Variants in BRCA2 observed in about 807,000 individuals in gnomAD.
BRCA2 encodes the protein breast cancer type 2 susceptibility protein.
A neutral mutation model predicts 276.7 loss-of-function variants in BRCA2; 203 were observed. The ratio of observed to expected loss-of-function variants is 0.73; its 90% CI spans 0.65 to 0.82. BRCA2 has a LOEUF of 0.82. Ranked by LOEUF, BRCA2 falls within the 40% of genes least tolerant of loss-of-function variation. The pLI, the probability that BRCA2 is intolerant of heterozygous loss-of-function variation, is 0.00. For missense variants in BRCA2, 3,920 were observed against 3,915.0 expected (o/e 1.00, Z -0.03); for synonymous variants, 1,289 against 1,338.4 (o/e 0.96, Z 0.81).
intron 10 of BRCA2, among the ~76,000 whole-genome samples, chr13:32,335,694 C>T (rs904717940): frequency 1.3e-5 from 2 of 151,258 alleles, no homozygotes; most frequent in Non-Finnish European, 2.9e-5. Context: ...TAGCTACTTC[C>T]TTGACCTAGA....
At chr13:32,369,606 C>G (rs2072813436) in intron 18 of BRCA2, among the ~76,000 whole-genome samples, 1 of 152,190 alleles carries the variant, frequency 6.6e-6, no homozygotes, top group Non-Finnish European at 1.5e-5. Context: ...CGGAGGCACG[C>G]TCTGTCCCCC....
intron 25 of BRCA2, among the ~76,000 whole-genome samples, chr13:32,395,672 C>A (rs1460315650): frequency 6.6e-6 from 1 of 152,144 alleles, no homozygotes; most frequent in African/African-American, 2.4e-5. Flanking sequence ...TTTGAGATTT[C>A]ATGAGTTGGT....
chr13:32,320,223 G>A lies in BRCA2; in HGVS notation c.316+898G>A, dbSNP rs141789699. On this transcript the variant is annotated intron_variant, in intron 3 of 26. Transcript: ENST00000380152. ...AAGCTAAAGAAATTGAATTTGTTTG[G>A]TTGGTTGGTGAGCAGAGAAATCACA... Among the ~76,000 whole-genome samples the A allele has an allele frequency of 1.2e-3, 182 of 152,330 alleles. 1 individual carries two copies. In the Middle Eastern group the frequency reaches 0.034, roughly 28 times the overall value.
intron 13 of BRCA2, among the ~76,000 whole-genome samples, chr13:32,351,923 T>A (rs768911576): frequency 1.1e-4 from 17 of 152,106 alleles, no homozygotes; most frequent in Non-Finnish European, 2.2e-4. Flanking sequence ...TGCTTCAGCC[T>A]CCCAAGTAGC....
intron 11 of BRCA2, among the ~76,000 whole-genome samples, chr13:32,342,286 AAAG>A (rs2072577420): frequency 6.6e-6 from 1 of 150,640 alleles, no homozygotes; most frequent in Non-Finnish European, 1.5e-5. Context: ...AAAAAAAAAA[AAAG>A]TGTATTTAAA....
chr13:32,375,752 G>T (rs1442136831), intron 20 of BRCA2, among the ~76,000 whole-genome samples: 1 of 151,990 alleles, frequency 6.6e-6, no homozygotes, highest in Non-Finnish European at 1.5e-5. Flanking sequence ...TAGAGACGGG[G>T]TTTCACCATG....
intron 21 of BRCA2, among the ~76,000 whole-genome samples, chr13:32,377,013 A>G (rs1386378778): frequency 6.6e-6 from 1 of 152,170 alleles, no homozygotes; most frequent in East Asian, 1.9e-4. Context: ...AATTTTATAT[A>G]TTAATTAAAT....
At chr13:32,361,704 G>A (rs188459290) in intron 16 of BRCA2, among the ~76,000 whole-genome samples, 1 of 152,172 alleles carries the variant, frequency 6.6e-6, no homozygotes, top group Non-Finnish European at 1.5e-5. Context: ...ATGCTTGGAA[G>A]AGGGCAAAGT....
chr13:32,356,282 C>G (rs193093374), intron 14 of BRCA2, 146 bp from the exon 15 acceptor site: 2 of 717,082 alleles, frequency 2.8e-6, no homozygotes, highest in Admixed American at 4.8e-5. Flanking sequence ...TTTGGTCAGG[C>G]TGGTCTTGAA....
chr13:32,362,382 A>T, intron 16 of BRCA2, 141 bp from the exon 17 acceptor site: 1 of 802,128 alleles, frequency 1.2e-6, no homozygotes, highest in Non-Finnish European at 2.0e-6. Flanking sequence ...ATTTTCTGAA[A>T]TTATATTGTA....
At chr13:32,324,980 G>A (rs11571609) in intron 3 of BRCA2, 96 bp from the exon 4 acceptor site, 3 of 835,086 alleles carry the variant, frequency 3.6e-6, no homozygotes, top group East Asian at 5.4e-5. Flanking sequence ...CTCATTCCCA[G>A]TATAGAGGAG....
chr13:32,387,447 C>T lies in BRCA2; in HGVS notation c.9257-7242C>T, dbSNP rs11571792. Among the ~76,000 whole-genome samples, 298 of 152,218 alleles carry T rather than the reference C, an allele frequency of 2.0e-3. No individual in the cohort carries two copies. The highest frequency in any genetic ancestry group is 6.9e-3 in the African/African-American group (287 of 41,540). ...CCTTCTGTCACGCCCGCATAAGGGCCACTTGAGGGCTCCTTGGTCAAGCGG... is the reference window on the plus strand; with the variant it reads ...CCTTCTGTCACGCCCGCATAAGGGCTACTTGAGGGCTCCTTGGTCAAGCGG... On this transcript the variant is annotated intron_variant, in intron 24 of 26. Coordinates refer to ENST00000380152, the MANE Select transcript of BRCA2 (RefSeq NM_000059.4).
At chr13:32,365,659 T>A (rs549977481) in intron 18 of BRCA2, among the ~76,000 whole-genome samples, 1 of 151,260 alleles carries the variant, frequency 6.6e-6, no homozygotes, top group Non-Finnish European at 1.5e-5. Flanking sequence ...ATTACGGGCA[T>A]GAGCCACCAC....
rs541104746 is a variant in BRCA2, at chr13:32,396,729, C to T, written c.9502-169C>T. The stretch of plus-strand genomic sequence containing the variant: ...GCTAGATTCCCCTAAATCACTGATA[C>T]TGGTTTTGTAATTTTGCATCGGCAT... On this transcript the variant is annotated intron_variant, in intron 25 of 26. Coordinates refer to ENST00000380152, the MANE Select transcript of BRCA2 (RefSeq NM_000059.4). The T allele has an allele frequency of 2.2e-5, 17 of 757,718 alleles. No homozygotes were observed. The African/African-American group carries it at 3.0e-4, about 13-fold the overall frequency. 46.9% of individuals were successfully genotyped at this position (757,718 alleles called of 1,614,324 possible). A position where few individuals can be genotyped will look rare whatever the true frequency, so the allele number is the denominator to read the frequency against.
rs876659892 is a variant in BRCA2 at position 32,337,016 on chromosome 13, G to A, written c.2661G>A (p.Glu887=). 1.3e-6 allele frequency: 2 copies of A among 1,591,640 alleles called. No homozygotes were observed. Among genetic ancestry groups the A allele is most frequent in the East Asian group, 4.5e-5 (2 of 44,698 alleles). ...PDSEELFSDN[E]NNFVFQVANE... ...CTGAAGAACTTTTCTCAGACAATGAGAATAATTTTGTCTTCCAAGTAGCTA... is the reference window on the plus strand; with the variant it reads ...CTGAAGAACTTTTCTCAGACAATGAAAATAATTTTGTCTTCCAAGTAGCTA... The change falls in exon 11 of 27, where the codon GAG becomes GAA. Residue 887 remains glutamate, a synonymous_variant. Coordinates refer to ENST00000380152, the MANE Select transcript of BRCA2 (RefSeq NM_000059.4).
chr13:32,379,032 C>G (rs1220125867), intron 21 of BRCA2, among the ~76,000 whole-genome samples: 1 of 152,064 alleles, frequency 6.6e-6, no homozygotes, highest in Non-Finnish European at 1.5e-5. Context: ...ATCTATTTCT[C>G]AAAATAATGA....
intron 13 of BRCA2, among the ~76,000 whole-genome samples, chr13:32,351,249 C>T (rs1320143516): frequency 6.6e-6 from 1 of 152,170 alleles, no homozygotes; most frequent in African/African-American, 2.4e-5. Context: ...CGGCTTCACT[C>T]CTGAAGTCAG....
intron 18 of BRCA2, 128 bp downstream of exon 18, chr13:32,363,661 A>G (rs1229723471): frequency 1.1e-6 from 1 of 912,494 alleles, no homozygotes; most frequent in East Asian, 2.6e-5. Context: ...ATTTTAGTAT[A>G]AAAAGCATAT....
intron 4 of BRCA2, 116 bp from the exon 5 acceptor site, chr13:32,325,985 C>A (rs1593886667): frequency 1.1e-6 from 1 of 885,390 alleles, no homozygotes; most frequent in Non-Finnish European, 1.8e-6. Context: ...TATAAAATAT[C>A]TAAAAGTAGT....
Sources: allele counts gnomAD v4.1 joint callset (sites outside exome capture counted in the v4.1 genomes callset), GRCh38; gene constraint gnomAD v4.1.1; transcripts MANE v1.5; gene names NCBI Gene and HGNC (gene_info 2026-07-23, HGNC 2026-07-21).